The following COA8 variants were observed in gnomAD, a reference collection of about 807,000 sequenced individuals.
COA8 encodes the protein cytochrome c oxidase assembly factor 8.
Under a neutral mutation model 22.0 loss-of-function variants are expected in COA8, and 20 were observed. That is an observed-to-expected ratio of 0.91 (90% CI 0.64 to 1.32). The LOEUF (loss-of-function observed/expected upper bound fraction) is 1.32, where lower values mean the gene tolerates loss of function less well. Ranked by LOEUF, COA8 falls within the 40% of genes most tolerant of loss-of-function variation. The pLI is 0.00. For synonymous variants in COA8, 105 were observed against 79.9 expected (o/e 1.31, Z -1.68); for missense variants, 266 against 230.0 (o/e 1.16, Z -1.01).
chr14:103,573,927 A>G (rs1319682754), intron 2 of COA8, among the ~76,000 whole-genome samples, 180 bp from the exon 3 acceptor site: 1 of 152,170 alleles, frequency 6.6e-6, no homozygotes, highest in East Asian at 1.9e-4. Flanking sequence ...TTTCAAGCAC[A>G]AAACTTTTAA....
chr14:103,584,414 G>C (rs765571906), intron 3 of COA8, among the ~76,000 whole-genome samples: 5 of 152,040 alleles, frequency 3.3e-5, no homozygotes, highest in African/African-American at 9.7e-5. Flanking sequence ...AGCAGTACAG[G>C]AGCCCACCAG....
At chr14:103,580,610 C>T (rs532238266) in intron 3 of COA8, among the ~76,000 whole-genome samples, 1 of 152,096 alleles carries the variant, frequency 6.6e-6, no homozygotes, top group South Asian at 2.1e-4. Context: ...CCTCCTGCCT[C>T]AGCCTCCTGA....
intron 1 of COA8, among the ~76,000 whole-genome samples, chr14:103,564,045 C>T (rs1011468381): frequency 1.3e-5 from 2 of 151,750 alleles, no homozygotes; most frequent in East Asian, 1.9e-4. Context: ...CCCAGCTACT[C>T]GGGAGGATGA....
At chr14:103,589,365 G>A (rs1015611756) in intron 4 of COA8, among the ~76,000 whole-genome samples, 1 of 152,194 alleles carries the variant, frequency 6.6e-6, no homozygotes, top group African/African-American at 2.4e-5. Flanking sequence ...TGCAGGTGGA[G>A]AGGAACTTTC....
chr14:103,563,154 G>T (rs1274317881), intron 1 of COA8, 30 bp downstream of exon 1: 1 of 1,539,852 alleles, frequency 6.5e-7, no homozygotes, highest in Non-Finnish European at 8.7e-7. Flanking sequence ...CATTGGGCCG[G>T]GAGGGGTGAC....
At chr14:103,577,767 G>C (rs1291368278) in intron 3 of COA8, among the ~76,000 whole-genome samples, 1 of 152,034 alleles carries the variant, frequency 6.6e-6, no homozygotes, top group African/African-American at 2.4e-5. Flanking sequence ...GCTCATGCCT[G>C]TAATCCCAGC....
At position 103,563,068 on chromosome 14, in the gene COA8, G is replaced by A. The variant is rs752679434; in HGVS notation, c.67G>A (p.Gly23Ser). 6.5e-7 allele frequency: 1 copy of A among 1,541,522 alleles called. No homozygotes were observed. The highest frequency in any genetic ancestry group is 1.9e-5 in the Admixed American group (1 of 51,734). Reference protein sequence around the residue: ...PPLCRAFACRGCQLAPERGAE... With the variant: ...PPLCRAFACRSCQLAPERGAE... ...TCTCTGCCGCGCCTTCGCCTGCCGC[G>A]GCTGTCAACTCGCTCCGGAGCGCGG... is the stretch of plus-strand genomic sequence containing the variant. Residue 23 changes from glycine (G) to serine (S), a missense_variant, in exon 1 of 5, where the codon GGC becomes AGC. Coordinates refer to ENST00000409074, the MANE Select transcript of COA8 (RefSeq NM_001370595.2).
rs751191347 is a variant in COA8 at position 103,565,618 on chromosome 14, AT to A, written c.123+2509del. On this transcript the variant is annotated intron_variant, in intron 1 of 4. Transcript: ENST00000409074. ...CATCACCTCCCCACCTTTTTTTTTA[AT>A]TTTTTTTTTTTTTTGAGATGGAGTC... Among the ~76,000 whole-genome samples, 641 of 128,726 alleles carry A rather than the reference AT, an allele frequency of 5.0e-3. 3 individuals are homozygous for A. The highest frequency in any genetic ancestry group is 0.013 in the African/African-American group (447 of 34,738). 84.4% of individuals were successfully genotyped at this position (128,726 alleles called of 152,430 possible). A position where few individuals can be genotyped will look rare whatever the true frequency, so the allele number is the denominator to read the frequency against.
At chr14:103,575,198 C>T (rs1420635807) in intron 3 of COA8, among the ~76,000 whole-genome samples, 1 of 152,230 alleles carries the variant, frequency 6.6e-6, no homozygotes, top group Non-Finnish European at 1.5e-5. Context: ...ACCACATGTG[C>T]CGTGTCCATA....
intron 3 of COA8, among the ~76,000 whole-genome samples, chr14:103,578,024 C>CAAAAAAAA (rs780479034): frequency 4.1e-5 from 2 of 49,128 alleles, no homozygotes; most frequent in Non-Finnish European, 7.5e-5. Context: ...AACTCCATCT[C>CAAAAAAAA]AAAAAAAAAA....
chr14:103,590,375 A>T lies in COA8; in HGVS notation c.*89A>T. 7.9e-7 allele frequency: 1 copy of T among 1,269,778 alleles called. No homozygotes were observed. The highest frequency in any genetic ancestry group is 1.1e-6 in the Non-Finnish European group (1 of 903,360). The allele number at this position is 1,269,778 out of a possible 1,614,324, so 78.7% of individuals were successfully genotyped here. A position where few individuals can be genotyped will look rare whatever the true frequency, so the allele number is the denominator to read the frequency against. On this transcript the variant is annotated 3_prime_UTR_variant, in exon 5 of 5. Transcript: ENST00000409074. ...GGGGCTCTGAGAAAAACTGGAGCTG[A>T]TCTCAAGAAGCCCCACATCTTCCTA...
intron 1 of COA8, among the ~76,000 whole-genome samples, chr14:103,571,409 G>A (rs1274558975): frequency 6.6e-6 from 1 of 151,888 alleles, no homozygotes; most frequent in Non-Finnish European, 1.5e-5. Context: ...GTTGAGTTTC[G>A]GGAAAGGGCT....
At chr14:103,568,872 T>C (rs957726093) in intron 1 of COA8, among the ~76,000 whole-genome samples, 7 of 152,022 alleles carry the variant, frequency 4.6e-5, no homozygotes, top group Non-Finnish European at 8.8e-5. Flanking sequence ...CCTCAAATGA[T>C]CCACCTGCTT....
At chr14:103,582,171 C>A (rs1255263429) in intron 3 of COA8, among the ~76,000 whole-genome samples, 1 of 152,172 alleles carries the variant, frequency 6.6e-6, no homozygotes, top group African/African-American at 2.4e-5. Context: ...TTACAAGAGA[C>A]CTCACTTCCT....
chr14:103,571,854 G>A (rs1164913512), intron 2 of COA8, 34 bp downstream of exon 2: 5 of 1,590,784 alleles, frequency 3.1e-6, no homozygotes, highest in Middle Eastern at 3.4e-4. Flanking sequence ...ACGGAAGGGT[G>A]CGGTGGCTCA....
chr14:103,588,813 G>C (rs992466385), intron 4 of COA8, among the ~76,000 whole-genome samples: 2 of 152,192 alleles, frequency 1.3e-5, no homozygotes, highest in African/African-American at 4.8e-5. Context: ...CTGCACTCCA[G>C]CCTGGGCTAC....
chr14:103,588,139 A>G (rs2151188641), intron 4 of COA8: 1 of 320,216 alleles, frequency 3.1e-6, no homozygotes, highest in South Asian at 1.6e-4. Flanking sequence ...AAAAAAAAAA[A>G]ACGGGTTTTA....
intron 4 of COA8, 59 bp from the exon 5 acceptor site, chr14:103,590,122 G>A: frequency 6.8e-7 from 1 of 1,470,422 alleles, no homozygotes. Flanking sequence ...TTCTGGGCCA[G>A]GGCACCAAGC....
At chr14:103,586,979 T>C (rs1595150628) in intron 3 of COA8, among the ~76,000 whole-genome samples, 1 of 152,194 alleles carries the variant, frequency 6.6e-6, no homozygotes, top group Non-Finnish European at 1.5e-5. Flanking sequence ...GCTGGGATTA[T>C]AGGCGTGACC....
Sources: gnomAD v4.1 joint callset for allele counts (sites outside exome capture counted in the v4.1 genomes callset) on GRCh38, gnomAD v4.1.1 for gene constraint, MANE v1.5 for transcripts, NCBI Gene and HGNC (gene_info 2026-07-23, HGNC 2026-07-21) for gene names.